The following NRXN3 variants were observed in gnomAD, a reference collection of about 807,000 sequenced individuals.
The protein encoded by NRXN3 is neurexin III.
In NRXN3, 32 loss-of-function variants were observed where a neutral mutation model predicts 137.6. The ratio of observed to expected loss-of-function variants is 0.23; its 90% confidence interval spans 0.18 to 0.31. The LOEUF (loss-of-function observed/expected upper bound fraction) is 0.31, where lower values mean the gene tolerates loss of function less well. Among genes scored for constraint, NRXN3 ranks in the 10% least tolerant of loss-of-function variants. The pLI, the probability that NRXN3 is intolerant of heterozygous loss-of-function variation, is 1.00. For missense variants in NRXN3, 1,574 were observed against 2,062.5 expected (o/e 0.76, Z 4.59); for synonymous variants, 798 against 784.5 (o/e 1.02, Z -0.29).
chr14:79,637,444 A>G (rs2098409792), intron 16 of NRXN3, among the ~76,000 whole-genome samples: 1 of 152,102 alleles, frequency 6.6e-6, no homozygotes, highest in African/African-American at 2.4e-5. Flanking sequence ...GGTTGTAGCA[A>G]TAGTGGAGGG....
rs143419883 is a variant in NRXN3 at position 78,464,844 on chromosome 14, C to T, written c.757+166984C>T. ...TGCTATGAGAGTTTAGGGCCATATA[C>T]GTAAATGCTATCTTCCACTCATCAT... is the stretch of plus-strand genomic sequence containing the variant. On this transcript the variant is annotated intron_variant, in intron 4 of 20. Coordinates refer to ENST00000335750, the MANE Select transcript of NRXN3 (RefSeq NM_001330195.2). Among the ~76,000 whole-genome samples the T allele has an allele frequency of 1.2e-4, 18 of 152,234 alleles. No individual in the cohort carries two copies. The East Asian group carries it at 2.3e-3, about 20-fold the overall frequency.
intron 15 of NRXN3, among the ~76,000 whole-genome samples, chr14:79,047,859 G>A (rs972594850): frequency 6.6e-6 from 1 of 152,230 alleles, no homozygotes; most frequent in Admixed American, 6.5e-5. Flanking sequence ...AACCACTTTG[G>A]AAAAATTGCA....
At chr14:79,398,501 ATTGT>A (rs909229527) in intron 15 of NRXN3, among the ~76,000 whole-genome samples, 29 of 151,550 alleles carry the variant, frequency 1.9e-4, no homozygotes, top group Admixed American at 1.8e-3. Flanking sequence ...GAAAATATTC[ATTGT>A]TTTTTTTTTT....
At chr14:79,212,750 G>A (rs934283796) in intron 15 of NRXN3, among the ~76,000 whole-genome samples, 1 of 151,950 alleles carries the variant, frequency 6.6e-6, no homozygotes, top group African/African-American at 2.4e-5. Flanking sequence ...AAGGTAAGTA[G>A]GTCTTTTCAT....
intron 4 of NRXN3, among the ~76,000 whole-genome samples, chr14:78,413,434 T>C (rs1291845096): frequency 6.6e-6 from 1 of 152,128 alleles, no homozygotes; most frequent in African/African-American, 2.4e-5. Flanking sequence ...TACAGGCATG[T>C]GCCACCACGC....
At chr14:78,493,907 G>A (rs987785730) in intron 4 of NRXN3, among the ~76,000 whole-genome samples, 5 of 152,148 alleles carry the variant, frequency 3.3e-5, no homozygotes, top group Admixed American at 3.3e-4. Flanking sequence ...TGCCAGCATG[G>A]ACTGAAGTAA....
intron 15 of NRXN3, among the ~76,000 whole-genome samples, chr14:79,199,396 G>T (rs75751687): frequency 0.019 from 2,835 of 152,258 alleles, 81 homozygotes; most frequent in African/African-American, 0.065. Context: ...GTGTTGGGTT[G>T]TGTTTGTGAT....
At chr14:79,045,132 C>G (rs1033382858) in intron 15 of NRXN3, among the ~76,000 whole-genome samples, 1 of 152,160 alleles carries the variant, frequency 6.6e-6, no homozygotes, top group Non-Finnish European at 1.5e-5. Context: ...CCTACTCCCC[C>G]AATCCCCGTT....
At chr14:78,507,159 G>A (rs1329103466) in intron 4 of NRXN3, among the ~76,000 whole-genome samples, 1 of 152,190 alleles carries the variant, frequency 6.6e-6, no homozygotes, top group African/African-American at 2.4e-5. Flanking sequence ...TTTACTGGGT[G>A]TCCATGGTGT....
At chr14:79,080,705 A>G (rs2046818632) in intron 15 of NRXN3, among the ~76,000 whole-genome samples, 1 of 152,216 alleles carries the variant, frequency 6.6e-6, no homozygotes, top group African/African-American at 2.4e-5. Flanking sequence ...AGCTTGATGA[A>G]TGAAAAGAAG....
intron 19 of NRXN3, among the ~76,000 whole-genome samples, chr14:79,741,350 A>C (rs528561394): frequency 6.6e-6 from 1 of 152,324 alleles, no homozygotes; most frequent in South Asian, 2.1e-4. Context: ...TTCTGGAAGC[A>C]ATATGAAAGG....
Position 79,676,094 on chromosome 14 carries a change from G to A in NRXN3, c.3616+12145G>A, listed in dbSNP as rs140374845. On this transcript the variant is annotated intron_variant, in intron 17 of 20. Coordinates refer to ENST00000335750, the MANE Select transcript of NRXN3 (RefSeq NM_001330195.2). ...CATGCCCTTCATTATCTCAGCATTG[G>A]TTGTCCCTGTCTTGCTGCTGAGAGC... 1.4e-4 allele frequency among the ~76,000 whole-genome samples: 22 copies of A among 152,042 alleles called. No homozygotes were observed. In the East Asian group the frequency reaches 4.3e-3, roughly 30 times the overall value.
intron 15 of NRXN3, among the ~76,000 whole-genome samples, chr14:79,426,242 C>G (rs751004291): frequency 6.6e-6 from 1 of 152,132 alleles, no homozygotes; most frequent in Non-Finnish European, 1.5e-5. Context: ...CCAGCTGCAG[C>G]GCTACCATCA....
chr14:79,220,587 C>T (rs1186561045), intron 15 of NRXN3, among the ~76,000 whole-genome samples: 4 of 152,122 alleles, frequency 2.6e-5, no homozygotes, highest in African/African-American at 9.7e-5. Flanking sequence ...GCTGTGCTTC[C>T]TCATTCCCTC....
At chr14:79,580,404 G>A (rs2097703015) in intron 16 of NRXN3, among the ~76,000 whole-genome samples, 1 of 150,570 alleles carries the variant, frequency 6.6e-6, no homozygotes, top group Non-Finnish European at 1.5e-5. Flanking sequence ...TTTAAACTCA[G>A]TCATCTTTTC....
At chr14:78,621,929 A>G (rs1345036082) in intron 4 of NRXN3, among the ~76,000 whole-genome samples, 1 of 152,196 alleles carries the variant, frequency 6.6e-6, no homozygotes, top group Non-Finnish European at 1.5e-5. Context: ...CATAGAGGGT[A>G]TTAGTACCTA....
At chr14:79,469,893 G>T (rs562553632) in intron 16 of NRXN3, among the ~76,000 whole-genome samples, 51 of 152,234 alleles carry the variant, frequency 3.4e-4, no homozygotes, top group African/African-American at 1.2e-3. Flanking sequence ...CATCATACTT[G>T]AAAGTAAAGA....
intron 16 of NRXN3, among the ~76,000 whole-genome samples, chr14:79,598,940 G>A (rs2097892420): frequency 6.6e-6 from 1 of 152,164 alleles, no homozygotes; most frequent in African/African-American, 2.4e-5. Flanking sequence ...TCTCATGTAT[G>A]AATAGCTCCA....
At chr14:78,176,610 C>G (rs1242579248) in intron 1 of NRXN3, among the ~76,000 whole-genome samples, 2 of 152,130 alleles carry the variant, frequency 1.3e-5, no homozygotes, top group African/African-American at 4.8e-5. Flanking sequence ...TCAGTGCCCT[C>G]AAGTACAAAT....
Sources: gnomAD v4.1 joint callset for allele counts (sites outside exome capture counted in the v4.1 genomes callset) on GRCh38, gnomAD v4.1.1 for gene constraint, MANE v1.5 for transcripts, NCBI Gene and HGNC (gene_info 2026-07-23, HGNC 2026-07-21) for gene names.